The following SEMA3A variants were observed in gnomAD, a reference collection of about 807,000 sequenced individuals.
SEMA3A encodes semaphorin-3A.
In SEMA3A, 29 loss-of-function variants were observed where a neutral mutation model predicts 97.9. The ratio of observed to expected loss-of-function variants is 0.30; its 90% CI spans 0.22 to 0.40. The LOEUF (loss-of-function observed/expected upper bound fraction) is 0.40, where lower values mean the gene tolerates loss of function less well. Among genes scored for constraint, SEMA3A ranks in the 10% least tolerant of loss-of-function variants. The pLI is 1.00. For synonymous variants in SEMA3A, 321 were observed against 323.7 expected, an observed-to-expected ratio of 0.99 and a Z score of 0.09; for missense variants, 763 against 951.3, an observed-to-expected ratio of 0.80 and a Z score of 2.60.
chr7:84,186,699 T>A (rs1243286871), intron 1 of SEMA3A, among the ~76,000 whole-genome samples: 1 of 152,082 alleles, frequency 6.6e-6, no homozygotes, highest in African/African-American at 2.4e-5. Context: ...CTGCTAGTAG[T>A]TGTCCCATTG....
chr7:84,277,973 G>T (rs552635340), intron 3 of SEMA3A, among the ~76,000 whole-genome samples: 1 of 152,178 alleles, frequency 6.6e-6, no homozygotes, highest in East Asian at 1.9e-4. Flanking sequence ...CAAATGGTCA[G>T]GCTGCAAATT....
chr7:83,968,974 C>T (rs1427246253), intron 15 of SEMA3A, among the ~76,000 whole-genome samples: 1 of 151,894 alleles, frequency 6.6e-6, no homozygotes, highest in Non-Finnish European at 1.5e-5. Flanking sequence ...CCACAGCTGG[C>T]TAATTTTTAT....
chr7:84,402,572 C>A (rs1340104484), intron 1 of SEMA3A, among the ~76,000 whole-genome samples: 1 of 152,018 alleles, frequency 6.6e-6, no homozygotes, highest in East Asian at 1.9e-4. Context: ...CTATTTATAA[C>A]CAAGATACGG....
chr7:84,449,247 G>A (rs999640136), intron 1 of SEMA3A, among the ~76,000 whole-genome samples: 1 of 152,044 alleles, frequency 6.6e-6, no homozygotes, highest in Non-Finnish European at 1.5e-5. Context: ...AGCTAAAGCA[G>A]GACTTTGAAT....
chr7:83,995,123 T>G (rs1363189111), intron 12 of SEMA3A, among the ~76,000 whole-genome samples: 1 of 152,120 alleles, frequency 6.6e-6, no homozygotes, highest in Non-Finnish European at 1.5e-5. Flanking sequence ...GAAAAGGAAC[T>G]CCCTGACCCC....
At chr7:84,393,793 C>T (rs932966948) in intron 1 of SEMA3A, among the ~76,000 whole-genome samples, 2 of 151,998 alleles carry the variant, frequency 1.3e-5, no homozygotes, top group African/African-American at 4.8e-5. Context: ...TGTGTATCTT[C>T]CATGAAAAAT....
At chr7:84,073,998 G>A (rs1793846798) in intron 4 of SEMA3A, among the ~76,000 whole-genome samples, 1 of 151,890 alleles carries the variant, frequency 6.6e-6, no homozygotes, top group Non-Finnish European at 1.5e-5. Context: ...GTAATTTTAA[G>A]GTCGTATCAC....
At chr7:84,080,316 AC>A (rs1794109916) in intron 4 of SEMA3A, among the ~76,000 whole-genome samples, 1 of 151,890 alleles carries the variant, frequency 6.6e-6, no homozygotes, top group South Asian at 2.1e-4. Context: ...ACAAACCTGC[AC>A]ATTGTGCACA....
chr7:84,405,675 C>G (rs996402457), intron 1 of SEMA3A, among the ~76,000 whole-genome samples: 9 of 152,134 alleles, frequency 5.9e-5, no homozygotes, highest in Admixed American at 3.3e-4. Context: ...TGTAAAAGAA[C>G]AGAAATTATA....
At chr7:83,965,232 T>C (rs1034797982) in intron 15 of SEMA3A, among the ~76,000 whole-genome samples, 3 of 151,574 alleles carry the variant, frequency 2.0e-5, no homozygotes, top group Non-Finnish European at 2.9e-5. Context: ...AGCCACCGCG[T>C]CCGGCCCGTT....
intron 3 of SEMA3A, among the ~76,000 whole-genome samples, chr7:84,214,864 A>G (rs951505099): frequency 6.6e-6 from 1 of 150,700 alleles, no homozygotes; most frequent in African/African-American, 2.4e-5. Flanking sequence ...ACACCCAGCT[A>G]ATTTTTTTGT....
At chr7:84,143,390 T>C (rs148506716) in intron 1 of SEMA3A, among the ~76,000 whole-genome samples, 1 of 152,170 alleles carries the variant, frequency 6.6e-6, no homozygotes, top group Non-Finnish European at 1.5e-5. Context: ...CTTGAAACAT[T>C]TTGATATAAA....
intron 1 of SEMA3A, among the ~76,000 whole-genome samples, chr7:84,140,760 CA>C (rs1339329893): frequency 6.6e-6 from 1 of 151,788 alleles, no homozygotes; most frequent in Non-Finnish European, 1.5e-5. Context: ...TTTCATGAAC[CA>C]AAAAAGTTCC....
chr7:84,014,363 A>G lies in SEMA3A; in HGVS notation c.668-12T>C, dbSNP rs780063391. 1.3e-6 allele frequency: 2 copies of G among 1,591,024 alleles called. No homozygotes were observed. Among genetic ancestry groups the G allele is most frequent in the Non-Finnish European group, 1.7e-6 (2 of 1,162,224 alleles). On this transcript the variant is annotated splice_polypyrimidine_tract_variant and intron_variant, in intron 6 of 16. Transcript: ENST00000265362. ...AATGAACTTTGGATCTGAGAGACAAATAATAGCGTATATATTAATTCACAG... is the reference window on the plus strand; with the variant it reads ...AATGAACTTTGGATCTGAGAGACAAGTAATAGCGTATATATTAATTCACAG...
At chr7:84,274,923 A>C (rs1256069012) in intron 3 of SEMA3A, among the ~76,000 whole-genome samples, 1 of 152,052 alleles carries the variant, frequency 6.6e-6, no homozygotes, top group Non-Finnish European at 1.5e-5. Context: ...ATTAGATTAT[A>C]TCTGTAGGTA....
intron 6 of SEMA3A, among the ~76,000 whole-genome samples, chr7:84,033,041 GA>G (rs979892265): frequency 4.0e-5 from 6 of 151,748 alleles, no homozygotes; most frequent in African/African-American, 1.2e-4. Flanking sequence ...TGTTTACAGG[GA>G]AAAAAATTGC....
At chr7:84,260,778 G>C (rs1190683735) in intron 3 of SEMA3A, among the ~76,000 whole-genome samples, 2 of 152,162 alleles carry the variant, frequency 1.3e-5, no homozygotes, top group Non-Finnish European at 2.9e-5. Context: ...CCCTCAGCAT[G>C]AACAGCCTGT....
chr7:84,360,891 T>C (rs948007338), intron 2 of SEMA3A, among the ~76,000 whole-genome samples: 1 of 151,956 alleles, frequency 6.6e-6, no homozygotes, highest in Admixed American at 6.6e-5. Flanking sequence ...CCATGCCAGG[T>C]TCAAATGCAA....
chr7:84,198,763 A>G (rs1053539951), upstream of SEMA3A, among the ~76,000 whole-genome samples: 16 of 152,156 alleles, frequency 1.1e-4, no homozygotes, highest in African/African-American at 3.6e-4. Context: ...TCTGTCAAAT[A>G]GATCAGTAGT....
Sources: allele counts gnomAD v4.1 joint callset (sites outside exome capture counted in the v4.1 genomes callset), GRCh38; gene constraint gnomAD v4.1.1; transcripts MANE v1.5; gene names NCBI Gene and HGNC (gene_info 2026-07-23, HGNC 2026-07-21).